SMIM31: variants seen among roughly 807,000 people sequenced by gnomAD.
The protein encoded by SMIM31 is small integral membrane protein 31.
chr4:164,761,705 T>C (rs932161622), intron 1 of SMIM31, among the ~76,000 whole-genome samples: 3 of 151,290 alleles, frequency 2.0e-5, no homozygotes, highest in Non-Finnish European at 4.4e-5. Flanking sequence ...TCTCACGAGG[T>C]CAGGAGTTCA....
chr4:164,767,489 A>C (rs1732735309), intron 1 of SMIM31, among the ~76,000 whole-genome samples: 1 of 152,196 alleles, frequency 6.6e-6, no homozygotes, highest in African/African-American at 2.4e-5. Context: ...GCTGTGGGGA[A>C]CAAGTGATAC....
In SMIM31 at chr4:164,787,129, C is replaced by T. The variant is rs115270396; in HGVS notation, c.113-13962C>T. Among the ~76,000 whole-genome samples the T allele has an allele frequency of 4.7e-3, 722 of 152,168 alleles. 8 individuals carry two copies. The highest frequency in any genetic ancestry group is 0.026 in the South Asian group (123 of 4,812). On this transcript the variant is annotated intron_variant, in intron 2 of 2. Transcript: ENST00000507311. ...TTTTCAATCTCCTTTTTTATATCTC[C>T]GAGTTTTTATTAAATAATTCTTAAA...
intron 1 of SMIM31, among the ~76,000 whole-genome samples, chr4:164,760,759 AAAG>A (rs1271769333): frequency 2.7e-4 from 40 of 149,074 alleles, no homozygotes; most frequent in African/African-American, 9.6e-4. Context: ...AAAAAAAAAA[AAAG>A]ATAAAGCCAA....
At chr4:164,769,607 AG>A (rs1300927130) in intron 1 of SMIM31, among the ~76,000 whole-genome samples, 1 of 32,838 alleles carries the variant, frequency 3.0e-5, no homozygotes, top group Non-Finnish European at 5.6e-5. Context: ...GGGTGGGGGG[AG>A]GGGGGAGGGA....
chr4:164,786,122 A>G (rs10007511), intron 2 of SMIM31, among the ~76,000 whole-genome samples: 93,141 of 151,980 alleles, frequency 0.61, 29,637 homozygotes, highest in African/African-American at 0.79. Context: ...ACAGATTTTA[A>G]AAAAATAATA....
rs575841074 is a variant in SMIM31 at position 164,794,579 on chromosome 4, G to A, written c.113-6512G>A. Among the ~76,000 whole-genome samples, 6 of 152,252 alleles carry A rather than the reference G, an allele frequency of 3.9e-5. No individual in the cohort carries two copies. In the South Asian group the frequency reaches 1.0e-3, roughly 26 times the overall value. ...CCCAGCACTTTGGGAGGCCAAGGCGGGTGGATCACAAGGTCAAGAGATCAA... is the reference window on the plus strand; with the variant it reads ...CCCAGCACTTTGGGAGGCCAAGGCGAGTGGATCACAAGGTCAAGAGATCAA... On this transcript the variant is annotated intron_variant, in intron 2 of 2. Coordinates refer to ENST00000507311, the MANE Select transcript of SMIM31 (RefSeq NM_001352885.1).
chr4:164,797,567 G>A (rs954481811), intron 2 of SMIM31, among the ~76,000 whole-genome samples: 18 of 150,884 alleles, frequency 1.2e-4, no homozygotes, highest in Admixed American at 9.3e-4. Flanking sequence ...AGGTTCAAGC[G>A]ATTCTCCTGC....
At chr4:164,772,780 G>T (rs1364838207) in intron 2 of SMIM31, among the ~76,000 whole-genome samples, 1 of 151,104 alleles carries the variant, frequency 6.6e-6, no homozygotes, top group South Asian at 2.1e-4. Context: ...GGGTTTCACC[G>T]TGTTAGCCGG....
intron 1 of SMIM31, among the ~76,000 whole-genome samples, chr4:164,769,743 A>T (rs1291346591): frequency 7.5e-5 from 2 of 26,664 alleles, no homozygotes; most frequent in African/African-American, 1.1e-4. Context: ...CTTAAAGTAT[A>T]AAAAAAAAAA....
intron 2 of SMIM31, among the ~76,000 whole-genome samples, chr4:164,771,322 A>T (rs1732798938): frequency 6.6e-6 from 1 of 152,230 alleles, no homozygotes; most frequent in Non-Finnish European, 1.5e-5. Flanking sequence ...TGTTAGTTTA[A>T]AATGGGTTTG....
chr4:164,779,429 C>G (rs143368812), intron 2 of SMIM31, among the ~76,000 whole-genome samples: 227 of 152,300 alleles, frequency 1.5e-3, no homozygotes, highest in African/African-American at 5.0e-3. Flanking sequence ...AGGAAAGCCC[C>G]TATTAGCAAA....
chr4:164,802,094 G>C lies in SMIM31; in HGVS notation c.*900G>C, dbSNP rs551836140. On this transcript the variant is annotated 3_prime_UTR_variant, in exon 3 of 3. Transcript: ENST00000507311. ...TAAAAATACAAAAAATTAGCCGAGC[G>C]TGGTGGCGGGCGCCTATAGTCCCAT... is the stretch of plus-strand genomic sequence containing the variant. 1 of 152,242 alleles carries C rather than the reference G, an allele frequency of 6.6e-6. No individual in the cohort carries two copies. The highest frequency in any genetic ancestry group is 1.5e-5 in the Non-Finnish European group (1 of 68,222). The allele number at this position is 152,242 out of a possible 1,614,324, so 9.4% of individuals were successfully genotyped here.
At chr4:164,794,217 A>G (rs1201029062) in intron 2 of SMIM31, among the ~76,000 whole-genome samples, 1 of 151,938 alleles carries the variant, frequency 6.6e-6, no homozygotes, top group Non-Finnish European at 1.5e-5. Flanking sequence ...TCTCTACAAA[A>G]AATTTTAAAA....
chr4:164,770,980 T>A (rs1027290884), intron 2 of SMIM31, among the ~76,000 whole-genome samples: 2 of 152,150 alleles, frequency 1.3e-5, no homozygotes, highest in Non-Finnish European at 2.9e-5. Context: ...AATGATACAT[T>A]TGGGAACCAA....
chr4:164,789,843 T>G (rs1159822031), intron 2 of SMIM31, among the ~76,000 whole-genome samples: 2 of 152,226 alleles, frequency 1.3e-5, no homozygotes, highest in Non-Finnish European at 2.9e-5. Context: ...TTTCTCTCTC[T>G]GAGTCCCTGT....
At chr4:164,785,264 C>G (rs913163536) in intron 2 of SMIM31, among the ~76,000 whole-genome samples, 1 of 151,816 alleles carries the variant, frequency 6.6e-6, no homozygotes, top group Non-Finnish European at 1.5e-5. Flanking sequence ...AATCTTGTAA[C>G]ATTTACTAAA....
rs545497983 is a variant in SMIM31, at chr4:164,783,047, A to G, written c.112+12492A>G. On this transcript the variant is annotated intron_variant, in intron 2 of 2. Transcript: ENST00000507311. Reference sequence around the variant, plus strand: ...AGCCTGGCCGACACAGTGAAACCCCATCTCTACTAAAAATACAAAAATTAG... The same window carrying G: ...AGCCTGGCCGACACAGTGAAACCCCGTCTCTACTAAAAATACAAAAATTAG... Among the ~76,000 whole-genome samples the G allele has an allele frequency of 2.0e-5, 3 of 151,420 alleles. No individual in the cohort carries two copies. In the East Asian group the frequency reaches 5.9e-4, roughly 30 times the overall value.
At position 164,754,927 on chromosome 4, in the gene SMIM31, G is replaced by A. The variant is rs932168614; in HGVS notation, c.-26+516G>A. The stretch of plus-strand genomic sequence containing the variant: ...GATAAATGACGGTATTTCCTCCTGA[G>A]TATGATAGAAATATTTTTCTATCAT... On this transcript the variant is annotated intron_variant, in intron 1 of 2. Coordinates refer to ENST00000507311, the MANE Select transcript of SMIM31 (RefSeq NM_001352885.1). 2.7e-5 allele frequency among the ~76,000 whole-genome samples: 4 copies of A among 149,570 alleles called. No individual in the cohort carries two copies. In the Admixed American group the frequency reaches 2.7e-4, roughly 10 times the overall value.
intron 2 of SMIM31, among the ~76,000 whole-genome samples, chr4:164,782,467 T>C (rs1320717954): frequency 1.4e-5 from 2 of 145,736 alleles, no homozygotes; most frequent in Admixed American, 6.8e-5. Context: ...CAAGCTCCGC[T>C]TCCCAGGTTC....
Sources: gnomAD v4.1 joint callset for allele counts (sites outside exome capture counted in the v4.1 genomes callset) on GRCh38, gnomAD v4.1.1 for gene constraint, MANE v1.5 for transcripts, NCBI Gene and HGNC (gene_info 2026-07-23, HGNC 2026-07-21) for gene names.